PTPRO: variants seen among roughly 807,000 people sequenced by gnomAD.
PTPRO encodes receptor-type tyrosine-protein phosphatase O.
In PTPRO, 62 loss-of-function variants were observed where a neutral mutation model predicts 145.2. That is an observed-to-expected ratio of 0.43 (90% CI 0.35 to 0.53). The LOEUF is 0.53. PTPRO is among the 20% of genes least tolerant of loss of function. PTPRO has a pLI of 0.01. For missense variants in PTPRO, 1,345 were observed against 1,482.7 expected (o/e 0.91, Z 1.53); for synonymous variants, 565 against 514.7 (o/e 1.10, Z -1.32).
chr12:15,536,289 C>T (rs1004032399), intron 12 of PTPRO, among the ~76,000 whole-genome samples: 46 of 152,032 alleles, frequency 3.0e-4, no homozygotes, highest in Admixed American at 2.8e-3. Context: ...GGGATGGGTG[C>T]AATTTTTGTG....
intron 15 of PTPRO, among the ~76,000 whole-genome samples, chr12:15,554,175 CA>C (rs1308279898): frequency 6.6e-6 from 1 of 151,984 alleles, no homozygotes; most frequent in Non-Finnish European, 1.5e-5. Flanking sequence ...AACTCCATCT[CA>C]AAAAACAAAT....
At chr12:15,550,981 T>C (rs1369175772) in intron 14 of PTPRO, among the ~76,000 whole-genome samples, 1 of 152,160 alleles carries the variant, frequency 6.6e-6, no homozygotes, top group Non-Finnish European at 1.5e-5. Context: ...GTTTTATCTC[T>C]TGAGCTGTGC....
At chr12:15,524,157 TAAAAAAAAAAA>T (rs34287474) in intron 10 of PTPRO, among the ~76,000 whole-genome samples, 1 of 129,134 alleles carries the variant, frequency 7.7e-6, no homozygotes, top group East Asian at 2.4e-4. Context: ...GCTTCGTGGC[TAAAAAAAAAAA>T]AAAAAAAAAC....
At chr12:15,366,307 T>A (rs1234858042) in intron 1 of PTPRO, among the ~76,000 whole-genome samples, 2 of 152,152 alleles carry the variant, frequency 1.3e-5, no homozygotes, top group African/African-American at 4.8e-5. Flanking sequence ...ACTTTTACAA[T>A]GACATTTAAT....
chr12:15,398,484 A>G (rs1939404319), intron 1 of PTPRO, among the ~76,000 whole-genome samples: 1 of 151,752 alleles, frequency 6.6e-6, no homozygotes, highest in South Asian at 2.1e-4. Flanking sequence ...CTTTTTCCAA[A>G]AAAAAAAAAA....
rs1398704506 is a variant in PTPRO, at chr12:15,412,223, G to A, written c.76-71751G>A. Among the ~76,000 whole-genome samples the A allele has an allele frequency of 2.0e-5, 3 of 152,168 alleles. No homozygotes were observed. In the East Asian group the frequency reaches 5.8e-4, roughly 29 times the overall value. The stretch of plus-strand genomic sequence containing the variant: ...TGCCCTAAGGGCTACTCCTCCTTTT[G>A]AAAACCAATTTTTAGAAATTAGACA... On this transcript the variant is annotated intron_variant, in intron 1 of 26. Coordinates refer to ENST00000281171, the MANE Select transcript of PTPRO (RefSeq NM_030667.3).
At position 15,578,810 on chromosome 12, in the gene PTPRO, C is replaced by T. The variant is rs1024843; in HGVS notation, c.2830-43C>T. ...ACCAGTTGAACAATAATCCAATTCA[C>T]ACCACGTATGGAACTCTCAAATCCA... On this transcript the variant is annotated intron_variant, in intron 19 of 26. Coordinates refer to ENST00000281171, the MANE Select transcript of PTPRO (RefSeq NM_030667.3). The T allele has an allele frequency of 0.68, 969,733 of 1,416,252 alleles. 340,821 individuals are homozygous for T. The highest frequency in any genetic ancestry group is 0.77 in the South Asian group (67,258 of 86,922). 87.7% of individuals were successfully genotyped at this position (1,416,252 alleles called of 1,614,324 possible).
chr12:15,409,768 C>T (rs1229930902), intron 1 of PTPRO, among the ~76,000 whole-genome samples: 1 of 152,110 alleles, frequency 6.6e-6, no homozygotes, highest in East Asian at 1.9e-4. Context: ...TTTAAATGAC[C>T]AGATCTCACA....
At chr12:15,419,272 A>C (rs1181192777) in intron 1 of PTPRO, among the ~76,000 whole-genome samples, 2 of 62,516 alleles carry the variant, frequency 3.2e-5, no homozygotes, top group South Asian at 5.1e-4. Context: ...GGGGCGGGGG[A>C]GGGGGGCTAA....
At chr12:15,515,258 A>G (rs1009968182) in intron 7 of PTPRO, among the ~76,000 whole-genome samples, 2 of 152,112 alleles carry the variant, frequency 1.3e-5, no homozygotes, top group Non-Finnish European at 2.9e-5. Flanking sequence ...ATTGACACTG[A>G]TGGGTATAAA....
At chr12:15,528,249 G>A (rs796859046) in intron 12 of PTPRO, among the ~76,000 whole-genome samples, 25 of 151,720 alleles carry the variant, frequency 1.6e-4, no homozygotes, top group African/African-American at 4.6e-4. Context: ...GGGCACGGTG[G>A]CTCACACCTG....
At chr12:15,485,400 T>C (rs1941864525) in intron 2 of PTPRO, among the ~76,000 whole-genome samples, 1 of 152,092 alleles carries the variant, frequency 6.6e-6, no homozygotes, top group Non-Finnish European at 1.5e-5. Flanking sequence ...GAATTGCAAG[T>C]CAGATTTAGG....
At chr12:15,481,127 T>A (rs1362869620) in intron 1 of PTPRO, among the ~76,000 whole-genome samples, 2 of 152,192 alleles carry the variant, frequency 1.3e-5, no homozygotes, top group Non-Finnish European at 2.9e-5. Context: ...TCTTTTTCTG[T>A]TTTCTTGTGT....
At position 15,516,810 on chromosome 12, in the gene PTPRO, G is replaced by T. The variant is rs767536478; in HGVS notation, c.1633G>T (p.Ala545Ser). ...AATGCTCTATCCTTTGGGTCCTACG[G>T]CCGTGGTTCTGAGCTGGACCAGACC... Reference protein sequence around the residue: ...DLMLYPLGPTAVVLSWTRPYL... With the variant: ...DLMLYPLGPTSVVLSWTRPYL... Residue 545 changes from alanine to serine, a missense_variant, in exon 9 of 27, where the codon GCC becomes TCC. Coordinates refer to ENST00000281171, the MANE Select transcript of PTPRO (RefSeq NM_030667.3). 32 of 1,612,316 alleles carry T rather than the reference G, an allele frequency of 2.0e-5. No individual in the cohort carries two copies. Among genetic ancestry groups the T allele is most frequent in the Admixed American group, 1.5e-4 (9 of 60,006 alleles).
chr12:15,442,487 G>T (rs1380106199), intron 1 of PTPRO, among the ~76,000 whole-genome samples: 3 of 151,944 alleles, frequency 2.0e-5, no homozygotes, highest in Admixed American at 2.0e-4. Flanking sequence ...TACTGGAATT[G>T]GTAGCCAGAG....
intron 25 of PTPRO, among the ~76,000 whole-genome samples, chr12:15,591,625 GA>G (rs1944554942): frequency 6.6e-6 from 1 of 151,994 alleles, no homozygotes; most frequent in South Asian, 2.1e-4. Context: ...ATTTTATGTT[GA>G]TATCTCCGCG....
At chr12:15,446,064 C>A (rs906341676) in intron 1 of PTPRO, among the ~76,000 whole-genome samples, 5 of 152,032 alleles carry the variant, frequency 3.3e-5, no homozygotes, top group African/African-American at 1.2e-4. Context: ...ACTCTAATGC[C>A]TCATTAATAT....
chr12:15,365,137 C>A (rs562967484), intron 1 of PTPRO, among the ~76,000 whole-genome samples: 100 of 152,262 alleles, frequency 6.6e-4, no homozygotes, highest in Non-Finnish European at 1.2e-3. Flanking sequence ...TTTGATGACA[C>A]TGATTTTGCT....
intron 1 of PTPRO, among the ~76,000 whole-genome samples, chr12:15,429,614 A>G (rs1940378042): frequency 6.6e-6 from 1 of 152,188 alleles, no homozygotes; most frequent in Non-Finnish European, 1.5e-5. Context: ...AACAGGAGAA[A>G]ATGAGACTAG....
Sources: allele counts gnomAD v4.1 joint callset (sites outside exome capture counted in the v4.1 genomes callset), GRCh38; gene constraint gnomAD v4.1.1; transcripts MANE v1.5; gene names NCBI Gene and HGNC (gene_info 2026-07-23, HGNC 2026-07-21).